Variants in TBC1D5 observed in about 807,000 individuals in gnomAD.
TBC1D5 encodes TBC1 domain family member 5.
Under a neutral mutation model 100.3 loss-of-function variants are expected in TBC1D5, and 75 were observed. That is an observed-to-expected ratio of 0.75 (90% CI 0.62 to 0.91). The LOEUF is 0.91. Ranked by LOEUF, TBC1D5 falls within the 40% of genes least tolerant of loss-of-function variation. The probability of loss-of-function intolerance (pLI) is 0.00; values close to 1 mark genes in which losing one functional copy is unlikely to be tolerated. For missense variants in TBC1D5, 910 were observed against 942.4 expected, an observed-to-expected ratio of 0.97 and a Z score of 0.45; for synonymous variants, 323 against 325.6, an observed-to-expected ratio of 0.99 and a Z score of 0.09.
At chr3:17,235,324 A>G (rs913355313) in intron 17 of TBC1D5, among the ~76,000 whole-genome samples, 1 of 152,240 alleles carries the variant, frequency 6.6e-6, no homozygotes, top group Non-Finnish European at 1.5e-5. Flanking sequence ...TGAAAACCAT[A>G]AACAGTTTCA....
intron 3 of TBC1D5, among the ~76,000 whole-genome samples, chr3:17,488,708 T>C (rs948520879): frequency 1.3e-5 from 2 of 152,166 alleles, no homozygotes; most frequent in South Asian, 4.1e-4. Flanking sequence ...GTTATTTTAA[T>C]TTGCAATTCC....
At chr3:17,489,446 C>T (rs2095611030) in intron 3 of TBC1D5, among the ~76,000 whole-genome samples, 1 of 152,118 alleles carries the variant, frequency 6.6e-6, no homozygotes, top group Non-Finnish European at 1.5e-5. Flanking sequence ...TCCTTGAAAT[C>T]TGTATATTCT....
intron 14 of TBC1D5, among the ~76,000 whole-genome samples, chr3:17,292,795 A>T (rs879681145): frequency 3.3e-5 from 5 of 152,212 alleles, no homozygotes; most frequent in African/African-American, 4.8e-5. Flanking sequence ...CACAGCACTG[A>T]CTGTGAAGAA....
chr3:17,185,309 C>T (rs2068907896), intron 18 of TBC1D5, 101 bp from the exon 20 acceptor site: 4 of 806,092 alleles, frequency 5.0e-6, no homozygotes, highest in Non-Finnish European at 7.4e-6. Context: ...AAGCATGATA[C>T]CTTTTTAAAC....
intron 2 of TBC1D5, among the ~76,000 whole-genome samples, chr3:17,536,552 A>G (rs2096283351): frequency 2.0e-5 from 3 of 152,202 alleles, no homozygotes; most frequent in African/African-American, 7.2e-5. Context: ...TAAAAATTGT[A>G]AAGGGTTTAT....
chr3:17,426,649 A>G (rs2094343305), intron 4 of TBC1D5, among the ~76,000 whole-genome samples: 1 of 152,028 alleles, frequency 6.6e-6, no homozygotes, highest in Non-Finnish European at 1.5e-5. Context: ...TTATTGTGCA[A>G]AGCTACACTA....
chr3:17,483,252 G>A (rs116036762), intron 3 of TBC1D5, among the ~76,000 whole-genome samples: 1 of 152,140 alleles, frequency 6.6e-6, no homozygotes, highest in African/African-American at 2.4e-5. Context: ...TGTTATAAAT[G>A]AATTCTATGG....
intron 4 of TBC1D5, among the ~76,000 whole-genome samples, chr3:17,419,226 T>C (rs112657307): frequency 3.9e-5 from 6 of 152,232 alleles, no homozygotes; most frequent in Admixed American, 2.0e-4. Flanking sequence ...AGCTAGCTGA[T>C]GTACAAGAAC....
chr3:17,449,672 G>A (rs182152398), intron 3 of TBC1D5, among the ~76,000 whole-genome samples: 100 of 152,308 alleles, frequency 6.6e-4, no homozygotes, highest in African/African-American at 2.3e-3. Flanking sequence ...TAGCCAGGCT[G>A]CTTCTCTAGA....
chr3:17,491,163 T>C (rs552811650), intron 3 of TBC1D5, among the ~76,000 whole-genome samples: 90 of 152,352 alleles, frequency 5.9e-4, no homozygotes, highest in Admixed American at 1.2e-3. Context: ...TGGTTTTGTA[T>C]CCCGAGACTT....
intron 1 of TBC1D5, among the ~76,000 whole-genome samples, chr3:17,662,045 A>G (rs2066713943): frequency 6.6e-6 from 1 of 151,890 alleles, no homozygotes; most frequent in Non-Finnish European, 1.5e-5. Context: ...TATGCACCAC[A>G]TGTCCAGCTA....
intron 13 of TBC1D5, among the ~76,000 whole-genome samples, chr3:17,367,723 G>T (rs1455600267): frequency 1.3e-5 from 2 of 152,006 alleles, no homozygotes; most frequent in Non-Finnish European, 2.9e-5. Flanking sequence ...GCCAGGTGTG[G>T]TGGTGGGCGT....
chr3:17,506,840 C>A (rs2095849644), intron 3 of TBC1D5, among the ~76,000 whole-genome samples: 1 of 151,082 alleles, frequency 6.6e-6, no homozygotes, highest in Non-Finnish European at 1.5e-5. Context: ...AAACAGCAAC[C>A]CCGTCTCTAC....
chr3:17,373,771 T>C (rs1341875980), intron 12 of TBC1D5, among the ~76,000 whole-genome samples: 1 of 152,106 alleles, frequency 6.6e-6, no homozygotes, highest in African/African-American at 2.4e-5. Context: ...TATTATATGA[T>C]TCCACTTATA....
intron 3 of TBC1D5, among the ~76,000 whole-genome samples, chr3:17,468,077 T>G (rs1162725682): frequency 6.6e-6 from 1 of 152,036 alleles, no homozygotes; most frequent in East Asian, 1.9e-4. Flanking sequence ...ATGTAAAAGG[T>G]TTAAAGGGAA....
intron 20 of TBC1D5, 136 bp downstream of exon 21, chr3:17,167,613 T>G: frequency 2.8e-6 from 2 of 716,570 alleles, no homozygotes; most frequent in Non-Finnish European, 4.8e-6. Context: ...GAGGTGGTGA[T>G]GCAGAAGGGG....
chr3:17,228,394 C>G (rs2075117578), intron 17 of TBC1D5, among the ~76,000 whole-genome samples: 1 of 152,108 alleles, frequency 6.6e-6, no homozygotes, highest in African/African-American at 2.4e-5. Flanking sequence ...AGACATAAAC[C>G]ATGTCTAGTG....
chr3:17,547,073 G>C (rs1403080507), intron 2 of TBC1D5: 1 of 151,968 alleles, frequency 6.6e-6, no homozygotes, highest in African/African-American at 2.4e-5. Flanking sequence ...ACAGCAGCAG[G>C]GGGCTTTAGA....
At chr3:17,243,537 TG>T (rs368592263) in intron 16 of TBC1D5, among the ~76,000 whole-genome samples, 10 of 151,268 alleles carry the variant, frequency 6.6e-5, no homozygotes, top group African/African-American at 2.4e-4. Context: ...AGAGCAAAAA[TG>T]AAAAAAAGAC....
Sources: allele counts gnomAD v4.1 joint callset (sites outside exome capture counted in the v4.1 genomes callset), GRCh38; gene constraint gnomAD v4.1.1; transcripts MANE v1.5; gene names NCBI Gene and HGNC (gene_info 2026-07-23, HGNC 2026-07-21).